VEPH1: variants seen among roughly 807,000 people sequenced by gnomAD.
VEPH1 encodes the protein ventricular zone-expressed PH domain-containing protein homolog 1.
Under a neutral mutation model 85.2 loss-of-function variants are expected in VEPH1, and 80 were observed. That is an observed-to-expected ratio of 0.94 (90% confidence interval 0.78 to 1.13). The LOEUF is 1.13. VEPH1 is among the 50% of genes most tolerant of loss of function. The pLI is 0.00. For synonymous variants in VEPH1, 297 were observed against 348.0 expected, an observed-to-expected ratio of 0.85 and a Z score of 1.63; for missense variants, 955 against 980.5, an observed-to-expected ratio of 0.97 and a Z score of 0.35.
At chr3:157,497,019 A>T (rs149982623) in intron 1 of VEPH1, among the ~76,000 whole-genome samples, 1 of 152,290 alleles carries the variant, frequency 6.6e-6, no homozygotes, top group East Asian at 1.9e-4. Flanking sequence ...TTTGTAGGTG[A>T]GCAACCTGAG....
chr3:157,307,090 A>G (rs1719595779), intron 11 of VEPH1, among the ~76,000 whole-genome samples: 1 of 152,014 alleles, frequency 6.6e-6, no homozygotes, highest in African/African-American at 2.4e-5. Context: ...ACCTTCTTGT[A>G]TTTAAGCATT....
At chr3:157,452,780 G>A (rs983663093) in intron 4 of VEPH1, among the ~76,000 whole-genome samples, 1 of 152,172 alleles carries the variant, frequency 6.6e-6, no homozygotes, top group African/African-American at 2.4e-5. Flanking sequence ...TTTGAATCTT[G>A]CTTTTAACTC....
intron 7 of VEPH1, among the ~76,000 whole-genome samples, chr3:157,379,713 C>G (rs931948175): frequency 5.3e-5 from 8 of 152,134 alleles, no homozygotes; most frequent in South Asian, 2.1e-4. Context: ...TCCAAAAAAC[C>G]CACAGAATTT....
At chr3:157,490,063 TATAA>T (rs1431945514) in intron 2 of VEPH1, among the ~76,000 whole-genome samples, 79 of 152,052 alleles carry the variant, frequency 5.2e-4, no homozygotes, top group Admixed American at 5.1e-3. Context: ...TTTAAAAACA[TATAA>T]ATAAAGGGAT....
chr3:157,457,691 C>A (rs1028628022), intron 4 of VEPH1, among the ~76,000 whole-genome samples: 2 of 152,176 alleles, frequency 1.3e-5, no homozygotes, highest in African/African-American at 4.8e-5. Context: ...ATATGTTCAA[C>A]CAACCTTGCA....
Position 157,409,418 on chromosome 3 carries a change from G to A in VEPH1, c.906+4463C>T, listed in dbSNP as rs79675482. Among the ~76,000 whole-genome samples, 1,319 of 152,186 alleles carry A rather than the reference G, an allele frequency of 8.7e-3. 15 individuals are homozygous for A. Among genetic ancestry groups the A allele is most frequent in the African/African-American group, 0.03 (1,257 of 41,532 alleles). On this transcript the variant is annotated intron_variant, in intron 6 of 13. Transcript: ENST00000362010. ...GCACCTCAAGGGCAACAATTGATCGGTTCTCCCAGAAGCAAATTTCTCTAC... is the reference window on the plus strand; with the variant it reads ...GCACCTCAAGGGCAACAATTGATCGATTCTCCCAGAAGCAAATTTCTCTAC...
chr3:157,295,603 G>GCACTGGTGAAGTAACA (rs6148156), intron 11 of VEPH1, among the ~76,000 whole-genome samples: 3 of 151,882 alleles, frequency 2.0e-5, no homozygotes, highest in Non-Finnish European at 4.4e-5. Context: ...GCAGAGAGCT[G>GCACTGGTGAAGTAACA]GTGTTGGAGG....
At chr3:157,322,891 A>G (rs1202914570) in intron 9 of VEPH1, among the ~76,000 whole-genome samples, 1 of 152,254 alleles carries the variant, frequency 6.6e-6, no homozygotes, top group Non-Finnish European at 1.5e-5. Context: ...AAAGTAGAAG[A>G]AAATGGAACT....
chr3:157,287,204 C>T (rs1716891487), intron 11 of VEPH1, among the ~76,000 whole-genome samples: 1 of 152,058 alleles, frequency 6.6e-6, no homozygotes, highest in African/African-American at 2.4e-5. Flanking sequence ...AAAACCTCGT[C>T]TCTACCAAAA....
At chr3:157,323,275 A>G (rs1230901025) in intron 9 of VEPH1, among the ~76,000 whole-genome samples, 3 of 152,228 alleles carry the variant, frequency 2.0e-5, no homozygotes, top group Non-Finnish European at 4.4e-5. Context: ...TGAATTTGAA[A>G]TAACTGTTTG....
At chr3:157,359,462 G>A (rs1433120360) in intron 9 of VEPH1, among the ~76,000 whole-genome samples, 1 of 152,226 alleles carries the variant, frequency 6.6e-6, no homozygotes, top group Non-Finnish European at 1.5e-5. Flanking sequence ...AGGCTCAGAA[G>A]TGAATTACTG....
chr3:157,414,579 T>C (rs999326613), intron 5 of VEPH1, among the ~76,000 whole-genome samples: 11 of 152,152 alleles, frequency 7.2e-5, no homozygotes, highest in Non-Finnish European at 1.5e-4. Context: ...CAATTTTCCA[T>C]TTTGATCACA....
At chr3:157,385,776 G>T (rs1474950508) in intron 6 of VEPH1, among the ~76,000 whole-genome samples, 1 of 152,154 alleles carries the variant, frequency 6.6e-6, no homozygotes, top group East Asian at 1.9e-4. Flanking sequence ...TTTCTCAAAG[G>T]TTAGTTGTGA....
At chr3:157,426,793 C>T (rs1455071563) in intron 5 of VEPH1, among the ~76,000 whole-genome samples, 3 of 148,064 alleles carry the variant, frequency 2.0e-5, no homozygotes, top group East Asian at 4.1e-4. Context: ...GCCACAGATT[C>T]GCAAATCTGT....
chr3:157,305,815 G>T (rs1249243499), intron 11 of VEPH1, among the ~76,000 whole-genome samples: 1 of 152,106 alleles, frequency 6.6e-6, no homozygotes, highest in East Asian at 1.9e-4. Flanking sequence ...TGACTACTTT[G>T]CCTACTAATA....
intron 13 of VEPH1, among the ~76,000 whole-genome samples, chr3:157,264,170 A>T (rs936148902): frequency 6.6e-6 from 1 of 152,228 alleles, no homozygotes; most frequent in African/African-American, 2.4e-5. Context: ...GCACTGAGAC[A>T]TGCATTCTCT....
chr3:157,428,563 A>T, intron 4 of VEPH1, 75 bp from the exon 5 acceptor site: 1 of 1,457,860 alleles, frequency 6.9e-7, no homozygotes, highest in Non-Finnish European at 9.4e-7. Flanking sequence ...TTACCAATGT[A>T]ATAATATTTG....
chr3:157,325,750 G>A (rs1224050999), intron 9 of VEPH1, among the ~76,000 whole-genome samples: 1 of 152,140 alleles, frequency 6.6e-6, no homozygotes, highest in East Asian at 1.9e-4. Context: ...TAGCCTTGTA[G>A]TATAGTTTGA....
At chr3:157,485,828 T>TA (rs149913911) in intron 2 of VEPH1, among the ~76,000 whole-genome samples, 4,523 of 152,122 alleles carry the variant, frequency 0.03, 166 homozygotes, top group African/African-American at 0.078. Flanking sequence ...AAAAAATAGA[T>TA]ATTTCTACTC....
Sources: gnomAD v4.1 joint callset for allele counts (sites outside exome capture counted in the v4.1 genomes callset) on GRCh38, gnomAD v4.1.1 for gene constraint, MANE v1.5 for transcripts, NCBI Gene and HGNC (gene_info 2026-07-23, HGNC 2026-07-21) for gene names.